The following FBXL19 variants were observed in gnomAD, a reference collection of about 807,000 sequenced individuals.
FBXL19 encodes F-box and leucine rich repeat protein 19.
In FBXL19, 16 loss-of-function variants were observed where a neutral mutation model predicts 71.2. The observed-to-expected ratio is 0.22, with a 90% CI of 0.15 to 0.34. The LOEUF is 0.34. Ranked by LOEUF, FBXL19 falls within the 10% of genes least tolerant of loss-of-function variation. The pLI, the probability that FBXL19 is intolerant of heterozygous loss-of-function variation, is 1.00. For synonymous variants in FBXL19, 447 were observed against 409.4 expected, an observed-to-expected ratio of 1.09 and a Z score of -1.11; for missense variants, 658 against 968.2, an observed-to-expected ratio of 0.68 and a Z score of 4.25.
intron 2 of FBXL19, among the ~76,000 whole-genome samples, chr16:30,926,575 A>G (rs1350183888): frequency 6.6e-6 from 1 of 151,858 alleles, no homozygotes; most frequent in Non-Finnish European, 1.5e-5. Flanking sequence ...AGCCAGCTGC[A>G]TCCTGCGTCC....
intron 7 of FBXL19, among the ~76,000 whole-genome samples, chr16:30,940,766 A>G (rs903103774): frequency 1.2e-4 from 18 of 152,060 alleles, no homozygotes; most frequent in African/African-American, 3.9e-4. Flanking sequence ...TCCCGGGTTC[A>G]AGTAATTCTC....
At chr16:30,937,383 C>A (rs1345765322) in intron 7 of FBXL19, among the ~76,000 whole-genome samples, 1 of 152,010 alleles carries the variant, frequency 6.6e-6, no homozygotes, top group East Asian at 1.9e-4. Context: ...CCAGGAGGCT[C>A]CCCCACCCAG....
At chr16:30,926,219 A>G (rs1323715837) in intron 2 of FBXL19, among the ~76,000 whole-genome samples, 3 of 151,990 alleles carry the variant, frequency 2.0e-5, no homozygotes, top group African/African-American at 7.3e-5. Flanking sequence ...TCACCCCCCA[A>G]GATGTCTCTG....
At chr16:30,939,409 GT>G (rs56763510) in intron 7 of FBXL19, among the ~76,000 whole-genome samples, 26 of 123,596 alleles carry the variant, frequency 2.1e-4, no homozygotes, top group South Asian at 5.2e-4. Flanking sequence ...CAATACTGGG[GT>G]TTTTTTTTTT....
At chr16:30,934,679 C>T (rs1490248178) in intron 7 of FBXL19, among the ~76,000 whole-genome samples, 3 of 150,108 alleles carry the variant, frequency 2.0e-5, no homozygotes, top group Non-Finnish European at 3.0e-5. Context: ...TGTGGAATGG[C>T]TTGGACTTGA....
chr16:30,941,422 G>A (rs1388993964), intron 7 of FBXL19, among the ~76,000 whole-genome samples: 1 of 152,156 alleles, frequency 6.6e-6, no homozygotes, highest in Non-Finnish European at 1.5e-5. Flanking sequence ...TGAGGCTGCG[G>A]TGAGCCTGAG....
In FBXL19 at chr16:30,942,074, AGCTGAGG is replaced by A. The variant is rs1369109763; in HGVS notation, c.1302-34_1302-28del. The A allele has an allele frequency of 6.7e-7, 1 of 1,492,742 alleles. No individual in the cohort carries two copies. Among genetic ancestry groups the A allele is most frequent in the South Asian group, 1.3e-5 (1 of 74,952 alleles). 92.5% of individuals were successfully genotyped at this position (1,492,742 alleles called of 1,614,324 possible). A position where few individuals can be genotyped will look rare whatever the true frequency, so the allele number is the denominator to read the frequency against. On this transcript the variant is annotated intron_variant, in intron 7 of 10. Transcript: ENST00000338343. The surrounding 1 kb of genome is among the most constrained non-coding windows in gnomAD (Gnocchi z 5.7). The stretch of plus-strand genomic sequence containing the variant: ...AGCCTGGGAACTGTGGGCTGCTGAG[AGCTGAGG>A]GCTGAGGTCTCTGTCTCCCCCCTAT...
chr16:30,935,863 C>T (rs535159352), intron 7 of FBXL19, among the ~76,000 whole-genome samples: 186 of 152,160 alleles, frequency 1.2e-3, no homozygotes, highest in Non-Finnish European at 2.2e-3. Flanking sequence ...GGCATCAAGC[C>T]ACATGTCTCT....
upstream of FBXL19, chr16:30,923,255 C>G (rs755714799): frequency 2.2e-6 from 1 of 453,166 alleles, no homozygotes. Context: ...ATCGTTCCCT[C>G]TCCTTCTCGA....
intron 7 of FBXL19, among the ~76,000 whole-genome samples, chr16:30,932,573 G>A (rs575039254): frequency 2.6e-5 from 4 of 152,178 alleles, no homozygotes; most frequent in African/African-American, 4.8e-5. Flanking sequence ...TGTGGAGAGC[G>A]ATACCTCTTG....
rs368613889 is a variant in FBXL19 at position 30,927,885 on chromosome 16, C to T, written c.549C>T (p.Pro183=). ...PRRKGPLPAG[P]PPEDVPGPPK... ...GCAAGGGCCCCCTGCCTGCCGGGCCCCCCCCGGAGGACGTGCCTGGGCCCC... is the reference window on the plus strand; with the variant it reads ...GCAAGGGCCCCCTGCCTGCCGGGCCTCCCCCGGAGGACGTGCCTGGGCCCC... Residue 183 remains proline (P), a synonymous_variant, in exon 5 of 11, where the codon CCC becomes CCT. Coordinates refer to ENST00000338343, the MANE Select transcript of FBXL19 (RefSeq NM_001382779.1). The T allele has an allele frequency of 2.6e-6, 4 of 1,529,700 alleles. No individual in the cohort carries two copies. The highest frequency in any genetic ancestry group is 3.5e-6 in the Non-Finnish European group (4 of 1,140,170). 94.8% of individuals were successfully genotyped at this position (1,529,700 alleles called of 1,614,324 possible).
chr16:30,941,340 C>T (rs922992922), intron 7 of FBXL19, among the ~76,000 whole-genome samples: 1 of 151,966 alleles, frequency 6.6e-6, no homozygotes, highest in African/African-American at 2.4e-5. Context: ...ATTAGCCAGG[C>T]GTGGTGACAT....
rs775304034 is a variant in FBXL19, at chr16:30,946,968, C to T, written c.1846+20C>T. On this transcript the variant is annotated intron_variant, in intron 10 of 10. Coordinates refer to ENST00000338343, the MANE Select transcript of FBXL19 (RefSeq NM_001382779.1). The surrounding 1 kb of genome is among the most constrained non-coding windows in gnomAD (Gnocchi z 6.7). ...TTGCTGGTAAGCACGGTCCCCCATC[C>T]GTCCTGCCAGCCTGTGGATCCCCAC... 5.6e-5 allele frequency: 89 copies of T among 1,592,466 alleles called. No individual in the cohort carries two copies. Among genetic ancestry groups the T allele is most frequent in the Admixed American group, 2.1e-4 (12 of 57,272 alleles).
intron 7 of FBXL19, among the ~76,000 whole-genome samples, chr16:30,936,745 CT>C (rs77614872): frequency 2.5e-3 from 307 of 122,318 alleles, no homozygotes; most frequent in Non-Finnish European, 2.4e-3. Flanking sequence ...CGCGCCCGAC[CT>C]TTTTTTTTTT....
intron 7 of FBXL19, among the ~76,000 whole-genome samples, chr16:30,933,200 A>T (rs918960985): frequency 6.6e-6 from 1 of 151,858 alleles, no homozygotes; most frequent in Non-Finnish European, 1.5e-5. Flanking sequence ...ACAGGGTTTC[A>T]CCATGTTGGT....
At chr16:30,933,223 G>C (rs1183950343) in intron 7 of FBXL19, among the ~76,000 whole-genome samples, 1 of 151,774 alleles carries the variant, frequency 6.6e-6, no homozygotes, top group Non-Finnish European at 1.5e-5. Context: ...GGCTGGTCTC[G>C]AACTCCTGAC....
At chr16:30,929,909 G>T (rs979885973) in intron 6 of FBXL19, among the ~76,000 whole-genome samples, 164 bp from the exon 7 acceptor site, 3 of 152,218 alleles carry the variant, frequency 2.0e-5, no homozygotes, top group African/African-American at 7.2e-5. Context: ...GAGGCCCAGG[G>T]CCTGGCAGTG....
At chr16:30,929,663 A>G (rs2055646319) in intron 6 of FBXL19, among the ~76,000 whole-genome samples, 1 of 152,126 alleles carries the variant, frequency 6.6e-6, no homozygotes, top group Non-Finnish European at 1.5e-5. Context: ...GGTTGAAGCA[A>G]TTCTGCCTCA....
In FBXL19 at chr16:30,947,986, C is replaced by T. The variant is rs1346738580; in HGVS notation, c.*756C>T. 2.6e-6 allele frequency: 1 copy of T among 389,960 alleles called. No homozygotes were observed. The highest frequency in any genetic ancestry group is 1.8e-5 in the South Asian group (1 of 54,322). 24.2% of individuals were successfully genotyped at this position (389,960 alleles called of 1,614,324 possible). A position where few individuals can be genotyped will look rare whatever the true frequency, so the allele number is the denominator to read the frequency against. ...GCGAGGGGCGCCCCAACCCCCTGCC[C>T]GCCTCTCCGCACAATACTTGAACAT... On this transcript the variant is annotated 3_prime_UTR_variant, in exon 11 of 11. Transcript: ENST00000338343.
Sources: allele counts gnomAD v4.1 joint callset (sites outside exome capture counted in the v4.1 genomes callset), GRCh38; gene constraint gnomAD v4.1.1; non-coding constraint Gnocchi (gnomAD v3.1); transcripts MANE v1.5; gene names NCBI Gene and HGNC (gene_info 2026-07-23, HGNC 2026-07-21).